Variants in BLTP1 observed in about 807,000 individuals in gnomAD.
BLTP1 encodes the protein fragile site-associated protein.
the BLTP1 span, chr4:122,306,654 A>C: frequency 5.3e-6 from 5 of 951,362 alleles, no homozygotes; most frequent in East Asian, 4.6e-4. Flanking sequence ...ATAAGAACGA[A>C]ATAAACATTG....
the BLTP1 span, chr4:122,362,314 G>A: frequency 8.2e-7 from 1 of 1,224,720 alleles, no homozygotes; most frequent in Non-Finnish European, 1.2e-6. Context: ...TGTTTTTTTA[G>A]TATAATAATT....
At chr4:122,219,660 A>T in the BLTP1 span, 1 of 841,890 alleles carries the variant, frequency 1.2e-6, no homozygotes, top group East Asian at 2.6e-5. Context: ...AGAAAAAGAA[A>T]ATCAGATTTA....
the BLTP1 span, chr4:122,308,230 A>G: frequency 1.3e-6 from 2 of 1,501,992 alleles, no homozygotes; most frequent in Admixed American, 1.9e-5. Context: ...CTAAGTATTT[A>G]GAATATAACA....
At chr4:122,163,757 T>A in the BLTP1 span, among the ~76,000 whole-genome samples, 8 of 152,166 alleles carry the variant, frequency 5.3e-5, no homozygotes, top group Admixed American at 3.9e-4. Context: ...CAGCTATAAT[T>A]TCAGAACTGA....
chr4:122,192,436 AT>A, the BLTP1 span: 2 of 1,119,544 alleles, frequency 1.8e-6, no homozygotes, highest in Non-Finnish European at 2.5e-6. Flanking sequence ...GATGTATATA[AT>A]TTTAAATAAA....
the BLTP1 span, among the ~76,000 whole-genome samples, chr4:122,294,881 G>A: frequency 6.6e-6 from 1 of 152,076 alleles, no homozygotes; most frequent in Non-Finnish European, 1.5e-5. Context: ...AAAACATACA[G>A]GAGCTGATAA....
At chr4:122,307,667 T>C in the BLTP1 span, 1,052 of 985,220 alleles carry the variant, frequency 1.1e-3, 20 homozygotes, top group South Asian at 0.044. Flanking sequence ...ATCTAACATA[T>C]AATAGGCATT....
chr4:122,176,302 C>CAA, the BLTP1 span, among the ~76,000 whole-genome samples: 15 of 137,312 alleles, frequency 1.1e-4, no homozygotes, highest in African/African-American at 3.4e-4. Context: ...TACTCTGTCT[C>CAA]AAAAAAAAAA....
At chr4:122,237,753 G>A in the BLTP1 span, 1 of 271,644 alleles carries the variant, frequency 3.7e-6, no homozygotes, top group Non-Finnish European at 5.6e-6. Context: ...GGGAGGCTGA[G>A]GAGGGCGGAT....
At chr4:122,294,670 A>C in the BLTP1 span, among the ~76,000 whole-genome samples, 2 of 152,316 alleles carry the variant, frequency 1.3e-5, no homozygotes, top group African/African-American at 4.8e-5. Context: ...AAATCAATCC[A>C]AAAATGCTGA....
chr4:122,231,862 T>C, the BLTP1 span: 18 of 956,234 alleles, frequency 1.9e-5, no homozygotes, highest in Non-Finnish European at 3.7e-6. Context: ...AAAGAAAATC[T>C]GTTGAGATTT....
the BLTP1 span, chr4:122,347,416 A>C: frequency 7.1e-7 from 1 of 1,399,026 alleles, no homozygotes; most frequent in Non-Finnish European, 9.6e-7. Flanking sequence ...ACTAGAAGGA[A>C]TATGTAATGT....
the BLTP1 span, among the ~76,000 whole-genome samples, chr4:122,233,586 T>A: frequency 2.6e-5 from 4 of 152,212 alleles, no homozygotes; most frequent in Admixed American, 2.0e-4. Context: ...AATACAGAAG[T>A]GATTTGAAAT....
At chr4:122,187,860 T>C in the BLTP1 span, 3 of 1,545,726 alleles carry the variant, frequency 1.9e-6, no homozygotes, top group Non-Finnish European at 2.6e-6. Context: ...TAGCATGATA[T>C]AATATCTCTT....
chr4:122,159,396 G>A, the BLTP1 span, among the ~76,000 whole-genome samples: 5 of 151,888 alleles, frequency 3.3e-5, no homozygotes, highest in Non-Finnish European at 7.4e-5. Context: ...CCGGGAGGCG[G>A]AGGTTGCAGT....
At chr4:122,335,723 A>G in the BLTP1 span, among the ~76,000 whole-genome samples, 1 of 152,122 alleles carries the variant, frequency 6.6e-6, no homozygotes, top group Non-Finnish European at 1.5e-5. Context: ...TAAGTCTTAG[A>G]TGTTTTACTC....
chr4:122,184,544 T>G, the BLTP1 span: 1 of 189,264 alleles, frequency 5.3e-6, no homozygotes, highest in Non-Finnish European at 9.8e-6. Flanking sequence ...GAGGCTGAGG[T>G]GGGAGAATTG....
chr4:122,152,344 G>C, the BLTP1 span: 1 of 985,392 alleles, frequency 1.0e-6, no homozygotes, highest in Non-Finnish European at 1.2e-6. Flanking sequence ...GTGCCGCCCG[G>C]CCTCGGTTGG....
At chr4:122,257,194 C>T in the BLTP1 span, 6 of 1,517,658 alleles carry the variant, frequency 4.0e-6, no homozygotes, top group African/African-American at 6.9e-5. Flanking sequence ...ATGCAAAGCA[C>T]TTAAATGGTA....
Sources: gnomAD v4.1 joint callset for allele counts (sites outside exome capture counted in the v4.1 genomes callset) on GRCh38, gnomAD v4.1.1 for gene constraint, MANE v1.5 for transcripts, NCBI Gene and HGNC (gene_info 2026-07-23, HGNC 2026-07-21) for gene names.